TIAM2: variants seen among roughly 807,000 people sequenced by gnomAD.
TIAM2 encodes rho guanine nucleotide exchange factor TIAM2.
TIAM2 carries 80 observed loss-of-function variants against 152.9 expected under a neutral mutation model. The ratio of observed to expected loss-of-function variants is 0.52; its 90% confidence interval spans 0.44 to 0.63. The LOEUF is 0.63. TIAM2 is among the 30% of genes least tolerant of loss of function. The pLI, the probability that TIAM2 is intolerant of heterozygous loss-of-function variation, is 0.00. For missense variants in TIAM2, 1,965 were observed against 2,120.1 expected (o/e 0.93, Z 1.44); for synonymous variants, 804 against 838.0 (o/e 0.96, Z 0.70).
chr6:155,114,014 T>TTATATATATATATATATATATA (rs1212954021), intron 2 of TIAM2, among the ~76,000 whole-genome samples: 14 of 58,852 alleles, frequency 2.4e-4, no homozygotes, highest in Admixed American at 1.1e-3. Flanking sequence ...ATACTTTACT[T>TTATATATATATATATATATATA]TATATATATA....
chr6:155,188,527 G>A (rs768813316), intron 14 of TIAM2, among the ~76,000 whole-genome samples: 1 of 152,198 alleles, frequency 6.6e-6, no homozygotes, highest in Non-Finnish European at 1.5e-5. Context: ...AATATCATCT[G>A]TAAAAACTTT....
At chr6:155,059,603 A>G in intron 1 of TIAM2, among the ~76,000 whole-genome samples, 1 of 152,220 alleles carries the variant, frequency 6.6e-6, no homozygotes, top group African/African-American at 2.4e-5. Flanking sequence ...GATGAGAGCC[A>G]CCACACCCAG....
rs1466712583 is a variant in TIAM2, at chr6:155,127,544, A to G, written c.-63A>G. The G allele has an allele frequency of 2.2e-6, 1 of 456,018 alleles. No homozygotes were observed. The highest frequency in any genetic ancestry group is 6.9e-5 in the East Asian group (1 of 14,404). The allele number at this position is 456,018 out of a possible 1,614,324, so 28.2% of individuals were successfully genotyped here. A position where few individuals can be genotyped will look rare whatever the true frequency, so the allele number is the denominator to read the frequency against. On this transcript the variant is annotated 5_prime_UTR_variant, in exon 3 of 27. Coordinates refer to ENST00000682666, the MANE Select transcript of TIAM2 (RefSeq NM_012454.4). Reference sequence around the variant, plus strand: ...TGTTAAATGTGCTGTGTTGCTCCCAAGACCATGTAAAGCCTACTGACCACT... The same window carrying G: ...TGTTAAATGTGCTGTGTTGCTCCCAGGACCATGTAAAGCCTACTGACCACT...
intron 14 of TIAM2, among the ~76,000 whole-genome samples, chr6:155,209,324 G>A (rs1781667086): frequency 6.6e-6 from 1 of 152,134 alleles, no homozygotes; most frequent in Admixed American, 6.5e-5. Context: ...TGAACGGGGA[G>A]ATACACTTAG....
chr6:155,165,755 T>C (rs1780415846), intron 9 of TIAM2, among the ~76,000 whole-genome samples: 1 of 151,994 alleles, frequency 6.6e-6, no homozygotes, highest in Admixed American at 6.6e-5. Flanking sequence ...GCCACTGTAC[T>C]CCAGCCTGAG....
At chr6:155,032,053 T>TTAA (rs1776832327) in intron 1 of TIAM2, among the ~76,000 whole-genome samples, 1 of 152,180 alleles carries the variant, frequency 6.6e-6, no homozygotes, top group Non-Finnish European at 1.5e-5. Flanking sequence ...TCTCAAAGTA[T>TTAA]AGCGTGTACT....
chr6:155,018,045 G>A (rs982488964), intron 1 of TIAM2, among the ~76,000 whole-genome samples: 2 of 152,156 alleles, frequency 1.3e-5, no homozygotes, highest in Admixed American at 1.3e-4. Context: ...TTGTTTACAT[G>A]TCAAAACAAT....
chr6:155,055,152 G>A (rs928960524), intron 1 of TIAM2, among the ~76,000 whole-genome samples: 3 of 152,100 alleles, frequency 2.0e-5, no homozygotes, highest in African/African-American at 4.8e-5. Context: ...ATTGCAGAAC[G>A]TAATTCATTA....
chr6:155,139,462 C>G (rs1347592349), intron 5 of TIAM2, among the ~76,000 whole-genome samples: 1 of 152,190 alleles, frequency 6.6e-6, no homozygotes, highest in African/African-American at 2.4e-5. Context: ...AGGTAAAGAA[C>G]GTCCCCAGTT....
chr6:155,238,015 G>A (rs1174173249), intron 15 of TIAM2, among the ~76,000 whole-genome samples: 1 of 152,204 alleles, frequency 6.6e-6, no homozygotes, highest in Non-Finnish European at 1.5e-5. Flanking sequence ...GCATTGTCAG[G>A]CTACAAATTT....
At chr6:155,107,752 AG>A (rs1456552533) in intron 2 of TIAM2, among the ~76,000 whole-genome samples, 1 of 152,028 alleles carries the variant, frequency 6.6e-6, no homozygotes, top group African/African-American at 2.4e-5. Flanking sequence ...TAATCTTGGG[AG>A]GGGGGTACTT....
chr6:155,225,522 C>A (rs1454165343), intron 15 of TIAM2, among the ~76,000 whole-genome samples: 2 of 152,216 alleles, frequency 1.3e-5, no homozygotes, highest in African/African-American at 4.8e-5. Flanking sequence ...CTGTCACCCT[C>A]ACTCTGTCTC....
chr6:155,055,116 T>G (rs1777413355), intron 1 of TIAM2, among the ~76,000 whole-genome samples: 1 of 152,192 alleles, frequency 6.6e-6, no homozygotes, highest in African/African-American at 2.4e-5. Flanking sequence ...TTTTGTGTTA[T>G]AAGAGATTTG....
chr6:155,016,401 A>G (rs1778582317), intron 1 of TIAM2: 1 of 152,194 alleles, frequency 6.6e-6, no homozygotes, highest in Non-Finnish European at 1.5e-5. Context: ...TTTGTAGAAC[A>G]TAAAAGGATA....
intron 1 of TIAM2, among the ~76,000 whole-genome samples, chr6:155,032,716 AT>A (rs1776848541): frequency 6.6e-6 from 1 of 151,912 alleles, no homozygotes; most frequent in South Asian, 2.1e-4. Flanking sequence ...AATTTTTTGT[AT>A]TTTTAGTAGA....
chr6:155,119,042 CT>C (rs967041869), intron 2 of TIAM2, among the ~76,000 whole-genome samples: 235 of 143,568 alleles, frequency 1.6e-3, no homozygotes, highest in Middle Eastern at 3.7e-3. Flanking sequence ...CTTTCCCTTT[CT>C]TTTTTTTTTT....
chr6:155,241,181 G>C (rs1041738835), intron 16 of TIAM2, among the ~76,000 whole-genome samples: 1 of 152,224 alleles, frequency 6.6e-6, no homozygotes, highest in Non-Finnish European at 1.5e-5. Context: ...TGGTCAGCAC[G>C]TGGGAATATC....
chr6:155,025,096 G>A (rs59368972), intron 1 of TIAM2, among the ~76,000 whole-genome samples: 3,836 of 151,694 alleles, frequency 0.025, 169 homozygotes, highest in African/African-American at 0.088. Flanking sequence ...GCATGATCTC[G>A]GCTCACTGCA....
chr6:155,000,192 C>T lies in TIAM2; in HGVS notation c.-209+4700C>T, dbSNP rs190468923. 1.9e-3 allele frequency among the ~76,000 whole-genome samples: 284 copies of T among 152,290 alleles called. 1 individual carries two copies. The highest frequency in any genetic ancestry group is 3.0e-3 in the Non-Finnish European group (205 of 68,022). On this transcript the variant is annotated intron_variant, in intron 1 of 26. Transcript: ENST00000682666. ...GGAAGAAATTCATGCTTAAACAACT[C>T]CCTCAATGTTAAACATGTATCGAGT... is the stretch of plus-strand genomic sequence containing the variant.
Sources: allele counts gnomAD v4.1 joint callset (sites outside exome capture counted in the v4.1 genomes callset), GRCh38; gene constraint gnomAD v4.1.1; transcripts MANE v1.5; gene names NCBI Gene and HGNC (gene_info 2026-07-23, HGNC 2026-07-21).